Variants in LINGO2 observed in about 807,000 individuals in gnomAD.
LINGO2 encodes leucine-rich repeat and immunoglobulin-like domain-containing nogo receptor-interacting protein 2.
In LINGO2, 14 loss-of-function variants were observed where a neutral mutation model predicts 30.6. The observed-to-expected ratio is 0.46, with a 90% confidence interval of 0.30 to 0.72. LINGO2 has a LOEUF of 0.72. Among genes scored for constraint, LINGO2 ranks in the 30% least tolerant of loss-of-function variants. The pLI is 0.07. For synonymous variants in LINGO2, 317 were observed against 288.5 expected (o/e 1.10, Z -1.00); for missense variants, 729 against 751.7 (o/e 0.97, Z 0.35).
At chr9:28,179,157 G>A (rs1423811188) in intron 4 of LINGO2, among the ~76,000 whole-genome samples, 1 of 149,970 alleles carries the variant, frequency 6.7e-6, no homozygotes, top group Non-Finnish European at 1.5e-5. Context: ...TTGGAAACTT[G>A]ATACTTCAAA....
chr9:28,161,575 C>G (rs1264515663), intron 4 of LINGO2, among the ~76,000 whole-genome samples: 1 of 151,874 alleles, frequency 6.6e-6, no homozygotes, highest in Non-Finnish European at 1.5e-5. Context: ...ACTGAGTGAG[C>G]CTCTTAAGGG....
chr9:27,990,469 C>T (rs1040262599), intron 5 of LINGO2, among the ~76,000 whole-genome samples: 2 of 124,252 alleles, frequency 1.6e-5, no homozygotes, highest in Admixed American at 7.8e-5. Context: ...AATACCCCCC[C>T]CCCTTTTATT....
intron 2 of LINGO2, among the ~76,000 whole-genome samples, chr9:28,398,438 AT>A (rs989374171): frequency 1.3e-5 from 2 of 152,196 alleles, no homozygotes; most frequent in Admixed American, 6.6e-5. Flanking sequence ...ATTTCCATAA[AT>A]CTTACTTACA....
intron 3 of LINGO2, among the ~76,000 whole-genome samples, chr9:28,355,630 C>G (rs998286970): frequency 6.6e-5 from 10 of 151,984 alleles, no homozygotes; most frequent in Non-Finnish European, 2.9e-5. Flanking sequence ...ACAGAGATCC[C>G]TAGAGATTTC....
At chr9:27,955,935 C>CGTTTT (rs1819540643) in intron 5 of LINGO2, among the ~76,000 whole-genome samples, 1 of 106,772 alleles carries the variant, frequency 9.4e-6, no homozygotes, top group African/African-American at 3.3e-5. Context: ...TGGATACTGA[C>CGTTTT]TTTTTTTTTT....
At position 28,630,240 on chromosome 9, in the gene LINGO2, GA is replaced by G. The variant is rs200977952; in HGVS notation, c.-365+39959del. On this transcript the variant is annotated intron_variant, in intron 1 of 5. Transcript: ENST00000379992. ...AAAATAAATACAAAAAAATCAAAAAGAAAAAAAAAAGTTTCAGTATTCAAAT... is the reference window on the plus strand; with the variant it reads ...AAAATAAATACAAAAAAATCAAAAAGAAAAAAAAAGTTTCAGTATTCAAAT... 4.1e-3 allele frequency among the ~76,000 whole-genome samples: 608 copies of G among 148,016 alleles called. 5 individuals are homozygous for G. Among genetic ancestry groups the G allele is most frequent in the African/African-American group, 0.013 (539 of 40,188 alleles).
chr9:27,990,462 A>AC (rs10671360), intron 5 of LINGO2, among the ~76,000 whole-genome samples: 20,874 of 116,938 alleles, frequency 0.18, 1,890 homozygotes, highest in East Asian at 0.31. Flanking sequence ...TGGTCTCAAT[A>AC]CCCCCCCCCC....
At chr9:29,133,253 G>T in the LINGO2 span, among the ~76,000 whole-genome samples, 1 of 152,026 alleles carries the variant, frequency 6.6e-6, no homozygotes, top group Admixed American at 6.6e-5. Context: ...AAATTTTTCC[G>T]CATTCATGCT....
the LINGO2 span, among the ~76,000 whole-genome samples, chr9:28,816,788 A>G: frequency 1.3e-5 from 2 of 152,328 alleles, no homozygotes; most frequent in African/African-American, 4.8e-5. Context: ...AAAAATAAAT[A>G]CTACCCCTTG....
intron 1 of LINGO2, among the ~76,000 whole-genome samples, chr9:28,535,766 C>T (rs1291674180): frequency 6.6e-6 from 1 of 152,046 alleles, no homozygotes; most frequent in African/African-American, 2.4e-5. Context: ...TGGACAGCTA[C>T]ACTTAACAGA....
At chr9:28,873,015 T>G in the LINGO2 span, among the ~76,000 whole-genome samples, 1 of 152,134 alleles carries the variant, frequency 6.6e-6, no homozygotes, top group African/African-American at 2.4e-5. Flanking sequence ...GAAAATTCAG[T>G]AGCCAAAATT....
At chr9:28,375,974 C>T in intron 2 of LINGO2, among the ~76,000 whole-genome samples, 1 of 152,116 alleles carries the variant, frequency 6.6e-6, no homozygotes, top group East Asian at 1.9e-4. Context: ...ACTCTCTTTG[C>T]CAGGACAATT....
At chr9:28,029,057 A>G (rs756698464) in intron 4 of LINGO2, among the ~76,000 whole-genome samples, 1 of 152,202 alleles carries the variant, frequency 6.6e-6, no homozygotes, top group Non-Finnish European at 1.5e-5. Flanking sequence ...GAGTGAGTAT[A>G]TAAAAGACCA....
At chr9:28,512,589 GTGTGT>G (rs1564255820) in intron 1 of LINGO2, among the ~76,000 whole-genome samples, 18 of 2,988 alleles carry the variant, frequency 6.0e-3, no homozygotes, top group Non-Finnish European at 0.016. Context: ...GGATATATAT[GTGTGT>G]ATATATATAT....
chr9:27,959,518 A>G (rs1819735212), intron 5 of LINGO2, among the ~76,000 whole-genome samples: 1 of 152,162 alleles, frequency 6.6e-6, no homozygotes, highest in African/African-American at 2.4e-5. Context: ...CATCTAAATC[A>G]TCTTCTAAAT....
At chr9:28,761,510 G>A in the LINGO2 span, among the ~76,000 whole-genome samples, 5 of 151,078 alleles carry the variant, frequency 3.3e-5, no homozygotes, top group African/African-American at 4.9e-5. Context: ...GCACACACAC[G>A]TGTGTGTGTA....
intron 1 of LINGO2, among the ~76,000 whole-genome samples, chr9:28,608,013 T>G (rs1288375130): frequency 2.6e-5 from 4 of 152,032 alleles, no homozygotes; most frequent in Non-Finnish European, 5.9e-5. Flanking sequence ...AATTAATGGT[T>G]TGCATATGTT....
intron 4 of LINGO2, among the ~76,000 whole-genome samples, chr9:28,151,612 T>C (rs558324736): frequency 6.6e-6 from 1 of 151,820 alleles, no homozygotes; most frequent in South Asian, 2.1e-4. Flanking sequence ...ATTATGACTA[T>C]TTAAATAAAG....
chr9:28,565,116 C>T (rs1823298700), intron 1 of LINGO2, among the ~76,000 whole-genome samples: 1 of 152,122 alleles, frequency 6.6e-6, no homozygotes, highest in Non-Finnish European at 1.5e-5. Flanking sequence ...GAAATGATCT[C>T]CAACACTTCT....
Sources: gnomAD v4.1 joint callset for allele counts (sites outside exome capture counted in the v4.1 genomes callset) on GRCh38, gnomAD v4.1.1 for gene constraint, MANE v1.5 for transcripts, NCBI Gene and HGNC (gene_info 2026-07-23, HGNC 2026-07-21) for gene names.